Variants in AGAP1 observed in about 807,000 individuals in gnomAD.
AGAP1 encodes the protein ArfGAP with GTPase domain, ankyrin repeat and PH domain 1.
A neutral mutation model predicts 105.3 loss-of-function variants in AGAP1; 29 were observed. That is an observed-to-expected ratio of 0.28 (90% confidence interval 0.21 to 0.38). AGAP1 has a LOEUF of 0.38. Among genes scored for constraint, AGAP1 ranks in the 10% least tolerant of loss-of-function variants. The probability of loss-of-function intolerance (pLI) is 1.00; values close to 1 mark genes in which losing one functional copy is unlikely to be tolerated. For missense variants in AGAP1, 998 were observed against 1,165.1 expected, an observed-to-expected ratio of 0.86 and a Z score of 2.09; for synonymous variants, 509 against 485.9, an observed-to-expected ratio of 1.05 and a Z score of -0.63.
At chr2:235,783,737 G>A (rs1956424809) in intron 6 of AGAP1, among the ~76,000 whole-genome samples, 1 of 152,166 alleles carries the variant, frequency 6.6e-6, no homozygotes, top group Non-Finnish European at 1.5e-5. Context: ...GATTGGTTGG[G>A]GTTGGGGGTG....
At chr2:235,518,852 C>T (rs899498837) in intron 1 of AGAP1, among the ~76,000 whole-genome samples, 7 of 152,146 alleles carry the variant, frequency 4.6e-5, no homozygotes, top group Non-Finnish European at 8.8e-5. Flanking sequence ...AGGCTTGCCT[C>T]GCGGGTGCAC....
At chr2:235,766,907 A>ATTTTTTTTTTTTTTTTTTTTTTTTTTTTT (rs71036292) in intron 6 of AGAP1, among the ~76,000 whole-genome samples, 1 of 109,950 alleles carries the variant, frequency 9.1e-6, no homozygotes, top group Admixed American at 1.0e-4. Flanking sequence ...ACACCGGCTA[A>ATTTTTTTTTTTTTTTTTTTTTTTTTTTTT]TTTTTTTTTT....
chr2:235,686,632 TATATATATATATAGATATATATATATATA>T (rs1949426477), intron 1 of AGAP1, among the ~76,000 whole-genome samples: 2 of 50,752 alleles, frequency 3.9e-5, no homozygotes, highest in East Asian at 1.4e-3. Context: ...TATATATATA[TATATATATATATAGATATATATATATATA>T]TATATTTTTT....
intron 13 of AGAP1, among the ~76,000 whole-genome samples, chr2:235,980,552 C>T (rs750183115): frequency 1.3e-5 from 2 of 152,144 alleles, no homozygotes; most frequent in Non-Finnish European, 2.9e-5. Flanking sequence ...TGTTGAGCGT[C>T]GAGGACAGGT....
At chr2:236,111,556 C>G (rs1245524091) in intron 16 of AGAP1, among the ~76,000 whole-genome samples, 1 of 151,726 alleles carries the variant, frequency 6.6e-6, no homozygotes, top group African/African-American at 2.4e-5. Flanking sequence ...AATCCCAGCA[C>G]AAAGCAGGTG....
chr2:235,755,136 G>A (rs1449808344), intron 6 of AGAP1, among the ~76,000 whole-genome samples: 1 of 152,206 alleles, frequency 6.6e-6, no homozygotes, highest in Non-Finnish European at 1.5e-5. Context: ...CTTGGCAGCT[G>A]GGGGCTGCAG....
intron 1 of AGAP1, among the ~76,000 whole-genome samples, chr2:235,603,302 G>A (rs1232470716): frequency 6.6e-6 from 1 of 152,176 alleles, no homozygotes; most frequent in Non-Finnish European, 1.5e-5. Context: ...TTGGAACTGT[G>A]AGTCCATTAA....
intron 1 of AGAP1, among the ~76,000 whole-genome samples, chr2:235,673,456 GGT>G (rs1948547842): frequency 6.6e-6 from 1 of 152,264 alleles, no homozygotes; most frequent in East Asian, 1.9e-4. Context: ...AAGGTAAAAT[GGT>G]GTGTGTTATA....
chr2:235,546,101 A>T (rs999877852), intron 1 of AGAP1, among the ~76,000 whole-genome samples: 4 of 152,192 alleles, frequency 2.6e-5, no homozygotes, highest in Non-Finnish European at 5.9e-5. Flanking sequence ...CTGTCTGTGA[A>T]GGGGATGTCA....
Position 235,811,944 on chromosome 2 carries a change from G to A in AGAP1, c.1050+4613G>A, listed in dbSNP as rs566988502. Among the ~76,000 whole-genome samples the A allele has an allele frequency of 3.9e-5, 6 of 152,320 alleles. No homozygotes were observed. In the South Asian group the frequency reaches 6.2e-4, roughly 16 times the overall value. The stretch of plus-strand genomic sequence containing the variant: ...GCCTTGAAGAAAGGTAGGCAAAGAC[G>A]TGTGCATCAGGAGGCAACAGCCCTG... On this transcript the variant is annotated intron_variant, in intron 9 of 17. Transcript: ENST00000304032.
At chr2:235,975,467 A>G (rs1055511519) in intron 13 of AGAP1, among the ~76,000 whole-genome samples, 4 of 152,190 alleles carry the variant, frequency 2.6e-5, no homozygotes, top group African/African-American at 9.6e-5. Context: ...GGGATTTTGC[A>G]TGCCGTGATT....
Position 235,769,468 on chromosome 2 carries a change from G to C in AGAP1, c.673+18980G>C, listed in dbSNP as rs533797125. On this transcript the variant is annotated intron_variant, in intron 6 of 17. Transcript: ENST00000304032. This position sits in a 1 kb window ranked among gnomAD's most constrained non-coding sequence, Gnocchi z 4.4. Reference sequence around the variant, plus strand: ...TTAAGGAATTGGAGTTTTGCGAGGAGATGGTGACAAGCCTCACTCAGGTCT... The same window carrying C: ...TTAAGGAATTGGAGTTTTGCGAGGACATGGTGACAAGCCTCACTCAGGTCT... Among the ~76,000 whole-genome samples, 50 of 152,352 alleles carry C rather than the reference G, an allele frequency of 3.3e-4. No homozygotes were observed. Among genetic ancestry groups the C allele is most frequent in the African/African-American group, 1.2e-3 (49 of 41,588 alleles).
chr2:235,807,755 G>A (rs547677672), intron 9 of AGAP1, among the ~76,000 whole-genome samples: 1 of 152,316 alleles, frequency 6.6e-6, no homozygotes, highest in Admixed American at 6.5e-5. Context: ...TTTCAGGCTG[G>A]TTTGTAACAA....
At chr2:235,811,136 G>A (rs1423276325) in intron 9 of AGAP1, among the ~76,000 whole-genome samples, 2 of 152,168 alleles carry the variant, frequency 1.3e-5, no homozygotes, top group Non-Finnish European at 2.9e-5. Flanking sequence ...GACAGCAGCT[G>A]TGTGCTCTCC....
At chr2:235,984,041 A>G (rs953280788) in intron 13 of AGAP1, among the ~76,000 whole-genome samples, 3 of 152,204 alleles carry the variant, frequency 2.0e-5, no homozygotes, top group African/African-American at 4.8e-5. Context: ...GAAATCTGCT[A>G]ACCATTAAGC....
chr2:235,986,099 G>A (rs1195836261), intron 13 of AGAP1, among the ~76,000 whole-genome samples: 1 of 152,140 alleles, frequency 6.6e-6, no homozygotes, highest in African/African-American at 2.4e-5. Flanking sequence ...TCCTATCCAT[G>A]AGGATGGAGT....
chr2:235,494,815 G>A lies in AGAP1; in HGVS notation c.129G>A (p.Gln43=), dbSNP rs1025966336. 1.3e-6 allele frequency: 2 copies of A among 1,583,572 alleles called. No homozygotes were observed. The change falls in exon 1 of 18, where the codon CAG becomes CAA. Residue 43 remains glutamine, a synonymous_variant. Coordinates refer to ENST00000304032, the MANE Select transcript of AGAP1 (RefSeq NM_001037131.3). ...LLERVEEPVL[Q]NQIREHVIAI... is the part of the protein sequence containing the mutation. Reference sequence around the variant, plus strand: ...AGCGCGTGGAGGAGCCGGTGCTGCAGAACCAGATCCGGGAGCACGTCATCG... The same window carrying A: ...AGCGCGTGGAGGAGCCGGTGCTGCAAAACCAGATCCGGGAGCACGTCATCG...
rs780652422 is a variant in AGAP1, at chr2:236,078,410, G to A, written c.2114+29129G>A. On this transcript the variant is annotated intron_variant, in intron 16 of 17. Transcript: ENST00000304032. The surrounding 1 kb of genome is among the most constrained non-coding windows in gnomAD (Gnocchi z 5.3). ...ATCTACAAAAGGCCTTCACAGCAAT[G>A]CATAGGTTGTGTGTGATGAAATCAC... 6.6e-6 allele frequency among the ~76,000 whole-genome samples: 1 copy of A among 152,142 alleles called. No individual in the cohort carries two copies. Among genetic ancestry groups the A allele is most frequent in the Non-Finnish European group, 1.5e-5 (1 of 68,028 alleles).
At chr2:235,937,083 T>G (rs1294855190) in intron 12 of AGAP1, among the ~76,000 whole-genome samples, 1 of 152,188 alleles carries the variant, frequency 6.6e-6, no homozygotes, top group Non-Finnish European at 1.5e-5. Flanking sequence ...GAAGTTTCCT[T>G]TATCAATTCT....
Sources: gnomAD v4.1 joint callset for allele counts (sites outside exome capture counted in the v4.1 genomes callset) on GRCh38, gnomAD v4.1.1 for gene constraint, Gnocchi (gnomAD v3.1) non-coding constraint, MANE v1.5 for transcripts, NCBI Gene and HGNC (gene_info 2026-07-23, HGNC 2026-07-21) for gene names.